HMG20A: variants seen among roughly 807,000 people sequenced by gnomAD.
HMG20A encodes the protein high mobility group 20A, also known as high mobility group protein 20A.
HMG20A carries 17 observed loss-of-function variants against 43.9 expected under a neutral mutation model. The observed-to-expected ratio is 0.39, with a 90% CI of 0.27 to 0.58. The LOEUF (loss-of-function observed/expected upper bound fraction) is 0.58. HMG20A is among the 20% of genes least tolerant of loss of function. The pLI is 0.59. For missense variants in HMG20A, 341 were observed against 438.2 expected, an observed-to-expected ratio of 0.78 and a Z score of 1.98; for synonymous variants, 132 against 147.5, an observed-to-expected ratio of 0.89 and a Z score of 0.76.
chr15:77,473,573 A>G (rs2072829509), intron 6 of HMG20A, among the ~76,000 whole-genome samples: 1 of 152,250 alleles, frequency 6.6e-6, no homozygotes. Flanking sequence ...TGGCCAAACT[A>G]TATGTAGCAT....
At chr15:77,502,633 G>C in the HMG20A span, among the ~76,000 whole-genome samples, 173 of 152,170 alleles carry the variant, frequency 1.1e-3, no homozygotes, top group African/African-American at 4.1e-3. Context: ...TGTATAGCAG[G>C]GCCCAGCACA....
chr15:77,474,081 T>G (rs182010002), intron 6 of HMG20A, among the ~76,000 whole-genome samples: 1 of 152,276 alleles, frequency 6.6e-6, no homozygotes, highest in Admixed American at 6.5e-5. Flanking sequence ...AACTTCTTAG[T>G]ATAATAGAAG....
At chr15:77,505,916 C>CTAGAA in the HMG20A span, among the ~76,000 whole-genome samples, 1 of 152,142 alleles carries the variant, frequency 6.6e-6, no homozygotes, top group South Asian at 2.1e-4. Flanking sequence ...AAAATGCAAC[C>CTAGAA]ATTCCATCTT....
chr15:77,440,363 G>T (rs1274879792), intron 1 of HMG20A, among the ~76,000 whole-genome samples: 1 of 152,182 alleles, frequency 6.6e-6, no homozygotes, highest in African/African-American at 2.4e-5. Flanking sequence ...TAAATGGATA[G>T]AAATGTACTG....
At position 77,458,514 on chromosome 15, in the gene HMG20A, G is replaced by T; in HGVS notation, c.89+18G>T. The T allele has an allele frequency of 6.5e-7, 1 of 1,542,992 alleles. No individual in the cohort carries two copies. Among genetic ancestry groups the T allele is most frequent in the Non-Finnish European group, 9.0e-7 (1 of 1,116,498 alleles). On this transcript the variant is annotated intron_variant, in intron 2 of 9. Transcript: ENST00000336216. ...ACCACTGGGTAAGCAGCTGCTTTAG[G>T]ACACTGGACTTCTCCATAGGCCTCA...
the HMG20A span, among the ~76,000 whole-genome samples, chr15:77,505,516 G>A: frequency 1.3e-5 from 2 of 152,112 alleles, no homozygotes; most frequent in African/African-American, 2.4e-5. Flanking sequence ...CACACCCTAC[G>A]CCTCCCATGC....
At chr15:77,510,360 C>G in the HMG20A span, among the ~76,000 whole-genome samples, 8 of 152,230 alleles carry the variant, frequency 5.3e-5, no homozygotes, top group Non-Finnish European at 8.8e-5. Flanking sequence ...CACTCCTCCC[C>G]CTTCCAGTGT....
intron 1 of HMG20A, among the ~76,000 whole-genome samples, chr15:77,444,438 T>C (rs1441416703): frequency 6.6e-6 from 1 of 152,194 alleles, no homozygotes; most frequent in Non-Finnish European, 1.5e-5. Context: ...TTTTAGTAAG[T>C]GCTCTAAACA....
intron 1 of HMG20A, among the ~76,000 whole-genome samples, chr15:77,453,263 G>A (rs978147145): frequency 2.2e-4 from 34 of 152,178 alleles, no homozygotes; most frequent in African/African-American, 7.7e-4. Context: ...AACACAATTT[G>A]AAATAGGATT....
chr15:77,512,773 TATTA>T, the HMG20A span, among the ~76,000 whole-genome samples: 30 of 151,920 alleles, frequency 2.0e-4, no homozygotes, highest in African/African-American at 5.8e-4. Context: ...CTATATAAAA[TATTA>T]ATTAATTAAT....
intron 1 of HMG20A, among the ~76,000 whole-genome samples, chr15:77,438,706 A>G (rs1020149842): frequency 6.6e-6 from 1 of 152,240 alleles, no homozygotes; most frequent in Non-Finnish European, 1.5e-5. Context: ...CTTTCAGGCT[A>G]CTAGCATTTC....
At chr15:77,465,935 G>A (rs903590211) in intron 3 of HMG20A, among the ~76,000 whole-genome samples, 1 of 152,096 alleles carries the variant, frequency 6.6e-6, no homozygotes, top group East Asian at 1.9e-4. Context: ...AAAATATTAT[G>A]TACCTTACAT....
intron 1 of HMG20A, among the ~76,000 whole-genome samples, chr15:77,443,382 T>TGATGATGATGATGATGATGATG (rs1567394419): frequency 9.6e-6 from 1 of 104,526 alleles, no homozygotes; most frequent in African/African-American, 3.5e-5. Flanking sequence ...TGATGATGAT[T>TGATGATGATGATGATGATGATG]ATTATTATTA....
At position 77,477,439 on chromosome 15, in the gene HMG20A, C is replaced by T. The variant is rs1044434271; in HGVS notation, c.616-116C>T. ...CATTTCCCTCACAGACTCACCTGGA[C>T]TGATTCCTGCTCACCCTATTCTTTC... On this transcript the variant is annotated intron_variant, in intron 6 of 9. Coordinates refer to ENST00000336216, the MANE Select transcript of HMG20A (RefSeq NM_001304504.2). The T allele has an allele frequency of 3.2e-4, 234 of 738,724 alleles. 1 individual carries two copies. Among genetic ancestry groups the T allele is most frequent in the Non-Finnish European group, 1.4e-4 (59 of 433,522 alleles). 45.8% of individuals were successfully genotyped at this position (738,724 alleles called of 1,614,324 possible).
At chr15:77,468,323 A>T (rs2072775307) in intron 4 of HMG20A, among the ~76,000 whole-genome samples, 1 of 152,222 alleles carries the variant, frequency 6.6e-6, no homozygotes, top group African/African-American at 2.4e-5. Flanking sequence ...AAATGTAAAA[A>T]TAACAGTGCT....
chr15:77,492,716 T>G, the HMG20A span, among the ~76,000 whole-genome samples: 1 of 151,500 alleles, frequency 6.6e-6, no homozygotes, highest in South Asian at 2.1e-4. Flanking sequence ...GGGGCTGAGG[T>G]GGGAGGATTG....
At chr15:77,449,993 A>T (rs1322072806) in intron 1 of HMG20A, among the ~76,000 whole-genome samples, 1 of 152,222 alleles carries the variant, frequency 6.6e-6, no homozygotes, top group East Asian at 1.9e-4. Flanking sequence ...TACTGTCTCC[A>T]TACTTTTGCT....
the HMG20A span, among the ~76,000 whole-genome samples, chr15:77,495,973 T>G: frequency 2.1e-4 from 32 of 152,212 alleles, no homozygotes; most frequent in African/African-American, 6.5e-4. Flanking sequence ...CGCCACAAAT[T>G]CCTGCCCCAC....
chr15:77,433,713 G>A (rs2073514511), intron 1 of HMG20A, among the ~76,000 whole-genome samples: 1 of 152,164 alleles, frequency 6.6e-6, no homozygotes, highest in Admixed American at 6.5e-5. Context: ...TTTAAGTCTT[G>A]TAAGATCTTT....
Sources: gnomAD v4.1 joint callset for allele counts (sites outside exome capture counted in the v4.1 genomes callset) on GRCh38, gnomAD v4.1.1 for gene constraint, MANE v1.5 for transcripts, NCBI Gene and HGNC (gene_info 2026-07-23, HGNC 2026-07-21) for gene names.